The following TGFBR1 variants were observed in gnomAD, a reference collection of about 807,000 sequenced individuals.
TGFBR1 encodes TGF-beta receptor type-1.
In TGFBR1, 20 loss-of-function variants were observed where a neutral mutation model predicts 55.1. The observed-to-expected ratio is 0.36, with a 90% confidence interval of 0.26 to 0.53. The LOEUF (loss-of-function observed/expected upper bound fraction) is 0.53, where lower values mean the gene tolerates loss of function less well. Among genes scored for constraint, TGFBR1 ranks in the 20% least tolerant of loss-of-function variants. The probability of loss-of-function intolerance (pLI) is 0.91; values close to 1 mark genes in which losing one functional copy is unlikely to be tolerated. For synonymous variants in TGFBR1, 220 were observed against 214.8 expected, an observed-to-expected ratio of 1.02 and a Z score of -0.21; for missense variants, 385 against 617.6, an observed-to-expected ratio of 0.62 and a Z score of 3.99.
chr9:99,148,723 T>C (rs1041755611), intron 8 of TGFBR1, among the ~76,000 whole-genome samples: 1 of 152,092 alleles, frequency 6.6e-6, no homozygotes, highest in Non-Finnish European at 1.5e-5. Context: ...TTTGATCTAC[T>C]TGGGAGGCTG....
rs1827798774 is a variant in TGFBR1 at position 99,146,469 on chromosome 9, T to C, written c.1131-16T>C. The C allele has an allele frequency of 1.2e-6, 2 of 1,613,730 alleles. No individual in the cohort carries two copies. Among genetic ancestry groups the C allele is most frequent in the Admixed American group, 3.3e-5 (2 of 59,986 alleles). On this transcript the variant is annotated splice_polypyrimidine_tract_variant and intron_variant, in intron 6 of 8. Coordinates refer to ENST00000374994, the MANE Select transcript of TGFBR1 (RefSeq NM_004612.4). ...AGGGGATGATTTTCAAAGTTCTTTTTGCAAATTTTTTTTAGGTACATGGCC... is the reference window on the plus strand; with the variant it reads ...AGGGGATGATTTTCAAAGTTCTTTTCGCAAATTTTTTTTAGGTACATGGCC...
intron 6 of TGFBR1, 37 bp from the exon 7 acceptor site, chr9:99,146,448 G>T: frequency 6.2e-7 from 1 of 1,613,364 alleles, no homozygotes. Flanking sequence ...GCAGTAAGGG[G>T]ATGATTTTCA....
chr9:99,131,636 TA>T (rs35690716), intron 2 of TGFBR1, among the ~76,000 whole-genome samples: 3,446 of 148,296 alleles, frequency 0.023, 140 homozygotes, highest in African/African-American at 0.078. Flanking sequence ...CAAACTCTGT[TA>T]AAAAAAAAAA....
chr9:99,118,296 C>T (rs1467935364), intron 1 of TGFBR1, among the ~76,000 whole-genome samples: 1 of 152,118 alleles, frequency 6.6e-6, no homozygotes, highest in Non-Finnish European at 1.5e-5. Flanking sequence ...CTGTGTCTTT[C>T]CAGTCTATCT....
In TGFBR1 at chr9:99,153,880, C is replaced by T. The variant is rs199690272; in HGVS notation, c.*4575C>T. ...CCACATGCTTAGGGGTGTGGGTCTT[C>T]CATTGGGGCATGATGGACCTGTCTA... is the stretch of plus-strand genomic sequence containing the variant. On this transcript the variant is annotated 3_prime_UTR_variant, in exon 9 of 9. Coordinates refer to ENST00000374994, the MANE Select transcript of TGFBR1 (RefSeq NM_004612.4). 9.3e-6 allele frequency: 2 copies of T among 214,130 alleles called. No homozygotes were observed. Among genetic ancestry groups the T allele is most frequent in the Non-Finnish European group, 1.9e-5 (2 of 105,900 alleles). The allele number at this position is 214,130 out of a possible 1,614,324, so 13.3% of individuals were successfully genotyped here. A position where few individuals can be genotyped will look rare whatever the true frequency, so the allele number is the denominator to read the frequency against.
At position 99,144,816 on chromosome 9, in the gene TGFBR1, G is replaced by GCAATA. The variant is rs1060499908; in HGVS notation, c.1058_1059insCAATA (p.Leu354AsnfsTer5). On this transcript the variant is annotated frameshift_variant, in exon 6 of 9. Coordinates refer to ENST00000374994, the MANE Select transcript of TGFBR1 (RefSeq NM_004612.4). LOFTEE classifies it high-confidence loss of function. ...GGAACTTGCTGTATTGCAGACTTAGGACTGGCAGTAAGACATGATTCAGCC... is the reference window on the plus strand; with the variant it reads ...GGAACTTGCTGTATTGCAGACTTAGGCAATAACTGGCAGTAAGACATGATTCAGCC... 1.9e-6 allele frequency: 3 copies of GCAATA among 1,614,028 alleles called. No homozygotes were observed. The highest frequency in any genetic ancestry group is 2.5e-6 in the Non-Finnish European group (3 of 1,179,934).
intron 6 of TGFBR1, 53 bp from the exon 7 acceptor site, chr9:99,146,432 A>C: frequency 1.2e-6 from 2 of 1,611,170 alleles, no homozygotes; most frequent in South Asian, 2.2e-5. Context: ...GGTTCATCCA[A>C]ATATGGCAGT....
chr9:99,149,154 ATT>A, intron 8 of TGFBR1, 24 bp from the exon 9 acceptor site: 1 of 1,252,562 alleles, frequency 8.0e-7, no homozygotes. Flanking sequence ...GCATGCATTA[ATT>A]TTTTTTTTTA....
In TGFBR1 at chr9:99,149,132, A is replaced by G. The variant is rs141109776; in HGVS notation, c.1387-48A>G. ...CACGTAAAAATTCTTATCCAGACCA[A>G]TGGAAAATGGTGCATGCATTAATTT... is the stretch of plus-strand genomic sequence containing the variant. On this transcript the variant is annotated intron_variant, in intron 8 of 8. Coordinates refer to ENST00000374994, the MANE Select transcript of TGFBR1 (RefSeq NM_004612.4). The G allele has an allele frequency of 2.2e-4, 336 of 1,547,646 alleles. 1 individual carries two copies. Among genetic ancestry groups the G allele is most frequent in the African/African-American group, 5.5e-5 (4 of 72,930 alleles).
At position 99,137,865 on chromosome 9, in the gene TGFBR1, C is replaced by T. The variant is rs2118707484; in HGVS notation, c.581C>T (p.Pro194Leu). ...TATTTATTTTTACCTTTAGGTTTAC[C>T]ATTGCTTGTTCAGAGAACAATTGCG... ...MTTSGSGSGLPLLVQRTIART... is the reference protein window; with the variant it reads ...MTTSGSGSGLLLLVQRTIART... Residue 194 changes from proline to leucine, a missense_variant, in exon 4 of 9, where the codon CCA becomes CTA. Physicochemically the swap from Pro to Leu is moderately conservative, Grantham distance 98 (BLOSUM62 -3). Coordinates refer to ENST00000374994, the MANE Select transcript of TGFBR1 (RefSeq NM_004612.4). The T allele has an allele frequency of 6.2e-7, 1 of 1,613,194 alleles. No individual in the cohort carries two copies. The highest frequency in any genetic ancestry group is 1.7e-5 in the Admixed American group (1 of 59,976).
At chr9:99,144,185 ACT>A (rs1382749312) in intron 5 of TGFBR1, among the ~76,000 whole-genome samples, 24 of 152,040 alleles carry the variant, frequency 1.6e-4, no homozygotes, top group African/African-American at 5.8e-4. Flanking sequence ...TCATATGATA[ACT>A]CTATTTAATG....
intron 4 of TGFBR1, among the ~76,000 whole-genome samples, chr9:99,139,307 A>G (rs1254509390): frequency 6.6e-6 from 1 of 151,828 alleles, no homozygotes; most frequent in Non-Finnish European, 1.5e-5. Context: ...TTATTCAAAT[A>G]TTAACAGTGT....
intron 1 of TGFBR1, among the ~76,000 whole-genome samples, chr9:99,116,398 A>T (rs1028506250): frequency 6.6e-6 from 1 of 152,212 alleles, no homozygotes; most frequent in Non-Finnish European, 1.5e-5. Context: ...GTCCCTGAGG[A>T]AATAGCGTAG....
intron 1 of TGFBR1, among the ~76,000 whole-genome samples, chr9:99,127,096 T>C (rs1162653505): frequency 2.0e-5 from 3 of 152,138 alleles, no homozygotes; most frequent in Non-Finnish European, 4.4e-5. Flanking sequence ...GTTACAGTCA[T>C]GGTTATAGTG....
In TGFBR1 at chr9:99,149,934, A is replaced by C. The variant is rs199867951; in HGVS notation, c.*629A>C. ...GAACATTACATGCCTTCAAAATGGG[A>C]TTGTACTATACCAGTAAGTGCCACT... On this transcript the variant is annotated 3_prime_UTR_variant, in exon 9 of 9. Transcript: ENST00000374994. The C allele has an allele frequency of 1.5e-5, 3 of 194,456 alleles. No homozygotes were observed. The highest frequency in any genetic ancestry group is 8.1e-5 in the East Asian group (1 of 12,318). The allele number at this position is 194,456 out of a possible 1,614,324, so 12.0% of individuals were successfully genotyped here.
intron 1 of TGFBR1, among the ~76,000 whole-genome samples, chr9:99,121,737 A>G (rs908165181): frequency 2.0e-5 from 3 of 152,166 alleles, no homozygotes; most frequent in African/African-American, 7.2e-5. Context: ...ATATTTGGAA[A>G]TACTCTCACT....
rs531799828 is a variant in TGFBR1 at position 99,153,184 on chromosome 9, A to G, written c.*3879A>G. The G allele has an allele frequency of 4.4e-6, 1 of 225,374 alleles. No individual in the cohort carries two copies. Among genetic ancestry groups the G allele is most frequent in the Non-Finnish European group, 8.9e-6 (1 of 112,862 alleles). 14.0% of individuals were successfully genotyped at this position (225,374 alleles called of 1,614,324 possible). A position where few individuals can be genotyped will look rare whatever the true frequency, so the allele number is the denominator to read the frequency against. Reference sequence around the variant, plus strand: ...AACTTAAATTACCTCTCAAGAGACCAAGGTACATTTACCTCATTGTGTATA... The same window carrying G: ...AACTTAAATTACCTCTCAAGAGACCGAGGTACATTTACCTCATTGTGTATA... On this transcript the variant is annotated 3_prime_UTR_variant, in exon 9 of 9. Coordinates refer to ENST00000374994, the MANE Select transcript of TGFBR1 (RefSeq NM_004612.4).
Position 99,152,026 on chromosome 9 carries a change from C to T in TGFBR1, c.*2721C>T, listed in dbSNP as rs1045317792. The stretch of plus-strand genomic sequence containing the variant: ...GAAATACGACTTAGTGAGGCATAGA[C>T]ATCCCTGGTCCATCCTTTCTGTCTC... On this transcript the variant is annotated 3_prime_UTR_variant, in exon 9 of 9. Coordinates refer to ENST00000374994, the MANE Select transcript of TGFBR1 (RefSeq NM_004612.4). 2 of 199,406 alleles carry T rather than the reference C, an allele frequency of 1.0e-5. No individual in the cohort carries two copies. Among genetic ancestry groups the T allele is most frequent in the African/African-American group, 2.3e-5 (1 of 43,494 alleles). The allele number at this position is 199,406 out of a possible 1,614,324, so 12.4% of individuals were successfully genotyped here. A position where few individuals can be genotyped will look rare whatever the true frequency, so the allele number is the denominator to read the frequency against.
chr9:99,131,940 C>T (rs1283723572), intron 2 of TGFBR1, among the ~76,000 whole-genome samples: 1 of 151,062 alleles, frequency 6.6e-6, no homozygotes, highest in Non-Finnish European at 1.5e-5. Flanking sequence ...TGTACTCCAG[C>T]CTGGGCAACA....
Sources: allele counts gnomAD v4.1 joint callset (sites outside exome capture counted in the v4.1 genomes callset), GRCh38; gene constraint gnomAD v4.1.1; transcripts MANE v1.5; gene names NCBI Gene and HGNC (gene_info 2026-07-23, HGNC 2026-07-21).